ZNF184: variants seen among roughly 807,000 people sequenced by gnomAD.
ZNF184 encodes zinc finger protein 184 (Kruppel-like).
ZNF184 carries 16 observed loss-of-function variants against 54.4 expected under a neutral mutation model. The ratio of observed to expected loss-of-function variants is 0.29; its 90% CI spans 0.20 to 0.45. The LOEUF (loss-of-function observed/expected upper bound fraction) is 0.45, where lower values mean the gene tolerates loss of function less well. Among genes scored for constraint, ZNF184 ranks in the 20% least tolerant of loss-of-function variants. The probability of loss-of-function intolerance (pLI) is 1.00; values close to 1 mark genes in which losing one functional copy is unlikely to be tolerated. For missense variants in ZNF184, 681 were observed against 888.2 expected, an observed-to-expected ratio of 0.77 and a Z score of 2.97; for synonymous variants, 254 against 295.3, an observed-to-expected ratio of 0.86 and a Z score of 1.43.
At chr6:27,431,430 T>G in the ZNF184 span, among the ~76,000 whole-genome samples, 1 of 152,236 alleles carries the variant, frequency 6.6e-6, no homozygotes, top group East Asian at 1.9e-4. Flanking sequence ...CTGACCTTTC[T>G]TTTGTATCAA....
chr6:27,450,108 G>GAT (rs1457719976), downstream of ZNF184, among the ~76,000 whole-genome samples: 1 of 152,138 alleles, frequency 6.6e-6, no homozygotes, highest in East Asian at 1.9e-4. Context: ...CAAAAACCAG[G>GAT]ATCATGTGAA....
the ZNF184 span, among the ~76,000 whole-genome samples, chr6:27,423,889 G>A: frequency 2.6e-5 from 4 of 152,028 alleles, no homozygotes; most frequent in Non-Finnish European, 5.9e-5. Flanking sequence ...GCATTTCTTT[G>A]CAGGCTTTCT....
chr6:27,455,087 G>A (rs916476699), intron 5 of ZNF184, among the ~76,000 whole-genome samples: 1 of 152,184 alleles, frequency 6.6e-6, no homozygotes, highest in Non-Finnish European at 1.5e-5. Context: ...ATCACTAGCT[G>A]TAAAGATATC....
At chr6:27,425,635 A>T in the ZNF184 span, among the ~76,000 whole-genome samples, 105 of 152,114 alleles carry the variant, frequency 6.9e-4, no homozygotes, top group Middle Eastern at 0.017. Context: ...CAATAAACTT[A>T]AAAAAAATGT....
At position 27,452,429 on chromosome 6, in the gene ZNF184, A is replaced by G; in HGVS notation, c.1130T>C (p.Leu377Pro). The change falls in exon 6 of 6, where the codon CTT becomes CCT. Residue 377 changes from leucine to proline, a missense_variant. Leu to Pro is a moderately conservative substitution (Grantham distance 98). Coordinates refer to ENST00000683788, the MANE Select transcript of ZNF184 (RefSeq NM_001318891.2). This position sits in a 1 kb window ranked among gnomAD's most constrained non-coding sequence, Gnocchi z 5.5. The part of the protein sequence containing the change: ...CDKTFTRSTH[L>P]TQHQKIHTGE... Reference sequence around the variant, plus strand: ...AGTATGAATTTTTTGATGTTGAGTAAGGTGTGTGCTCCTGGTGAAGGTTTT... The same window carrying G: ...AGTATGAATTTTTTGATGTTGAGTAGGGTGTGTGCTCCTGGTGAAGGTTTT... The G allele has an allele frequency of 6.2e-7, 1 of 1,614,040 alleles. No homozygotes were observed. Among genetic ancestry groups the G allele is most frequent in the South Asian group, 1.1e-5 (1 of 91,054 alleles).
chr6:27,431,012 CT>C, the ZNF184 span, among the ~76,000 whole-genome samples: 2 of 152,122 alleles, frequency 1.3e-5, no homozygotes, highest in Non-Finnish European at 2.9e-5. Context: ...AATTTTCATT[CT>C]TGCTGGGACT....
Position 27,451,009 on chromosome 6 carries a change from G to A in ZNF184, c.*294C>T, listed in dbSNP as rs1425680928. On this transcript the variant is annotated 3_prime_UTR_variant, in exon 6 of 6. Coordinates refer to ENST00000683788, the MANE Select transcript of ZNF184 (RefSeq NM_001318891.2). ...TAGTAAACCCATTCAAGAAAATATT[G>A]TAAATATACAAAACTGATTATAAAA... 3.7e-6 allele frequency: 1 copy of A among 273,038 alleles called. No individual in the cohort carries two copies. The highest frequency in any genetic ancestry group is 2.2e-5 in the African/African-American group (1 of 45,076). The allele number at this position is 273,038 out of a possible 1,614,324, so 16.9% of individuals were successfully genotyped here.
chr6:27,427,116 T>A, the ZNF184 span, among the ~76,000 whole-genome samples: 14 of 106,868 alleles, frequency 1.3e-4, no homozygotes, highest in South Asian at 3.4e-4. Flanking sequence ...ACACTCTATG[T>A]AAAAAAAAAA....
chr6:27,467,583 G>A (rs1290024211), intron 3 of ZNF184, among the ~76,000 whole-genome samples: 3 of 151,988 alleles, frequency 2.0e-5, no homozygotes, highest in East Asian at 1.9e-4. Context: ...GCGACAGAGG[G>A]AGACTCAATC....
the ZNF184 span, among the ~76,000 whole-genome samples, chr6:27,433,110 G>A: frequency 6.6e-6 from 1 of 152,308 alleles, no homozygotes; most frequent in Non-Finnish European, 1.5e-5. Flanking sequence ...TCATGGGACA[G>A]AGACAAACTA....
chr6:27,422,148 A>AAAAAAAGAAAGAAAGAAAGAAAG, the ZNF184 span, among the ~76,000 whole-genome samples: 36 of 43,442 alleles, frequency 8.3e-4, no homozygotes, highest in African/African-American at 1.8e-3. Context: ...CTCAAAAAAA[A>AAAAAAAGAAAGAAAGAAAGAAAG]AAAGAAAGAA....
chr6:27,427,127 A>AAAAC, the ZNF184 span, among the ~76,000 whole-genome samples: 1 of 151,618 alleles, frequency 6.6e-6, no homozygotes. Context: ...AAAAAAAAAA[A>AAAAC]AAAAAAAAAC....
At chr6:27,432,524 A>G in the ZNF184 span, among the ~76,000 whole-genome samples, 9 of 152,284 alleles carry the variant, frequency 5.9e-5, no homozygotes, top group Admixed American at 5.2e-4. This position sits in a 1 kb window ranked among gnomAD's most constrained non-coding sequence, Gnocchi z 4.0. Context: ...CACAAGTAAC[A>G]AAAGATCTCA....
At chr6:27,448,611 G>C (rs537350490), downstream of ZNF184, among the ~76,000 whole-genome samples, 7 of 152,124 alleles carry the variant, frequency 4.6e-5, no homozygotes, top group African/African-American at 9.7e-5. Flanking sequence ...AATCCAGCCA[G>C]TGTTTCTGAA....
chr6:27,404,866 A>G, the ZNF184 span: 10 of 151,974 alleles, frequency 6.6e-5, no homozygotes, highest in Non-Finnish European at 2.9e-5. Flanking sequence ...AAAATACAAA[A>G]ATTAGCCAGG....
chr6:27,441,746 ATGT>A, the ZNF184 span, among the ~76,000 whole-genome samples: 1 of 152,212 alleles, frequency 6.6e-6, no homozygotes, highest in Non-Finnish European at 1.5e-5. Context: ...TTGAAACTAG[ATGT>A]TGTCAGAAAA....
the ZNF184 span, among the ~76,000 whole-genome samples, chr6:27,426,427 C>G: frequency 1.3e-5 from 2 of 152,154 alleles, 1 homozygote; most frequent in Non-Finnish European, 2.9e-5. The surrounding 1 kb of genome is among the most constrained non-coding windows in gnomAD (Gnocchi z 4.2). Flanking sequence ...AGTCCTCCTC[C>G]TCCTCTGCCT....
At chr6:27,447,143 T>C (rs1331080477), downstream of ZNF184, among the ~76,000 whole-genome samples, 12 of 152,018 alleles carry the variant, frequency 7.9e-5, no homozygotes. Context: ...TTGTTTGATT[T>C]CACAGGCTCA....
rs562997732 is a variant in ZNF184, at chr6:27,469,127, C to T, written c.8-1207G>A. Among the ~76,000 whole-genome samples the T allele has an allele frequency of 4.6e-4, 70 of 152,312 alleles. 2 individuals carry two copies. In the South Asian group the frequency reaches 0.014, roughly 30 times the overall value. ...TAATTATGTATAATTATGCAAGTCC[C>T]TTGTCTTCTTTAGGCTTCAATTTCC... On this transcript the variant is annotated intron_variant, in intron 2 of 5. Coordinates refer to ENST00000683788, the MANE Select transcript of ZNF184 (RefSeq NM_001318891.2).
Sources: gnomAD v4.1 joint callset for allele counts (sites outside exome capture counted in the v4.1 genomes callset) on GRCh38, gnomAD v4.1.1 for gene constraint, Gnocchi (gnomAD v3.1) non-coding constraint, MANE v1.5 for transcripts, NCBI Gene and HGNC (gene_info 2026-07-23, HGNC 2026-07-21) for gene names.